THRAP3: variants seen among roughly 807,000 people sequenced by gnomAD.
The protein encoded by THRAP3 is thyroid hormone receptor-associated protein 3.
Under a neutral mutation model 101.0 loss-of-function variants are expected in THRAP3, and 16 were observed. The ratio of observed to expected loss-of-function variants is 0.16; its 90% confidence interval spans 0.11 to 0.24. The LOEUF (loss-of-function observed/expected upper bound fraction) is 0.24. Ranked by LOEUF, THRAP3 falls within the 10% of genes least tolerant of loss-of-function variation. The pLI is 1.00. For synonymous variants in THRAP3, 407 were observed against 422.6 expected (o/e 0.96, Z 0.45); for missense variants, 989 against 1,202.7 (o/e 0.82, Z 2.63).
At chr1:36,241,422 T>C (rs1323080008) in intron 1 of THRAP3, among the ~76,000 whole-genome samples, 5 of 118,826 alleles carry the variant, frequency 4.2e-5, no homozygotes, top group Non-Finnish European at 8.6e-5. Flanking sequence ...TATATATATA[T>C]ATATATACAC....
intron 1 of THRAP3, among the ~76,000 whole-genome samples, chr1:36,228,433 G>T (rs1644987619): frequency 6.6e-6 from 1 of 152,226 alleles, no homozygotes; most frequent in Admixed American, 6.5e-5. Flanking sequence ...TGCTGGCCAG[G>T]CTGGTCTCAA....
chr1:36,272,271 A>C (rs1348570182), intron 2 of THRAP3, among the ~76,000 whole-genome samples: 3 of 152,182 alleles, frequency 2.0e-5, no homozygotes, highest in Non-Finnish European at 4.4e-5. Context: ...TACCCAATGC[A>C]CATTTGGATA....
At chr1:36,211,965 G>A in the THRAP3 span, among the ~76,000 whole-genome samples, 1 of 152,240 alleles carries the variant, frequency 6.6e-6, no homozygotes, top group South Asian at 2.1e-4. Context: ...TCTTAGTCAT[G>A]ACTTCAGTGT....
chr1:36,274,268 A>C (rs1036373250), intron 2 of THRAP3, among the ~76,000 whole-genome samples: 4 of 152,236 alleles, frequency 2.6e-5, no homozygotes, highest in Non-Finnish European at 5.9e-5. Flanking sequence ...TTATATTCAG[A>C]AAACTGAAAC....
At chr1:36,292,264 C>CTTTTTTTTTTTTTT (rs774003081) in intron 6 of THRAP3, among the ~76,000 whole-genome samples, 2 of 20,564 alleles carry the variant, frequency 9.7e-5, no homozygotes, top group African/African-American at 2.8e-4. Context: ...TTCTTTGTTT[C>CTTTTTTTTTTTTTT]TTTTTTTTTT....
At chr1:36,244,864 C>T (rs1645212192) in intron 1 of THRAP3, among the ~76,000 whole-genome samples, 1 of 151,806 alleles carries the variant, frequency 6.6e-6, no homozygotes, top group South Asian at 2.1e-4. Context: ...ATTACAGGCA[C>T]ACGCCACCAC....
rs1248877954 is a variant in THRAP3, at chr1:36,288,066, T to A, written c.1040+796T>A. On this transcript the variant is annotated intron_variant, in intron 4 of 11. Coordinates refer to ENST00000354618, the MANE Select transcript of THRAP3 (RefSeq NM_005119.4). ...TTCTTCTTGGCTGTATTAACACGAC[T>A]TTGACTTGATTAAGCTTTCTGCATT... 4 of 982,654 alleles carry A rather than the reference T, an allele frequency of 4.1e-6. No individual in the cohort carries two copies. The African/African-American group carries it at 7.0e-5, about 17-fold the overall frequency. 60.9% of individuals were successfully genotyped at this position (982,654 alleles called of 1,614,324 possible).
At chr1:36,298,953 C>T (rs888106247) in intron 9 of THRAP3, among the ~76,000 whole-genome samples, 8 of 152,160 alleles carry the variant, frequency 5.3e-5, no homozygotes, top group Non-Finnish European at 1.0e-4. Context: ...CACCATCATG[C>T]CTGGCTAATT....
At chr1:36,250,099 C>A (rs566721440) in intron 1 of THRAP3, among the ~76,000 whole-genome samples, 1 of 152,046 alleles carries the variant, frequency 6.6e-6, no homozygotes, top group South Asian at 2.1e-4. Flanking sequence ...TTACAAAATT[C>A]GGCAATTACA....
In THRAP3 at chr1:36,238,165, G is replaced by A. The variant is rs557494914; in HGVS notation, c.-135+13660G>A. Among the ~76,000 whole-genome samples, 6 of 152,152 alleles carry A rather than the reference G, an allele frequency of 3.9e-5. No individual in the cohort carries two copies. In the South Asian group the frequency reaches 1.0e-3, roughly 26 times the overall value. The stretch of plus-strand genomic sequence containing the variant: ...AAATTTTTTGTAGAGACAGGGTCTC[G>A]TTTTGTTGCCCAGGGTAGTCTTAAA... On this transcript the variant is annotated intron_variant, in intron 1 of 11. Transcript: ENST00000354618.
intron 5 of THRAP3, among the ~76,000 whole-genome samples, chr1:36,290,517 G>C (rs1161604555): frequency 6.6e-6 from 1 of 151,926 alleles, no homozygotes; most frequent in Non-Finnish European, 1.5e-5. Context: ...CCAGGCTGGC[G>C]TGCAGTGGTG....
At chr1:36,220,972 A>AAAAAAAAATATATAT (rs1285765741), upstream of THRAP3, among the ~76,000 whole-genome samples, 3 of 94,146 alleles carry the variant, frequency 3.2e-5, no homozygotes, top group African/African-American at 9.5e-5. Context: ...AAAAAAAAAA[A>AAAAAAAAATATATAT]ATATATATAT....
At chr1:36,303,740 A>C in intron 11 of THRAP3, 56 bp from the exon 12 acceptor site, 2 of 1,611,194 alleles carry the variant, frequency 1.2e-6, no homozygotes, top group Non-Finnish European at 1.7e-6. Flanking sequence ...CAGAGAAGAG[A>C]GCTCTGGCCA....
At chr1:36,260,644 A>G (rs1196253113) in intron 2 of THRAP3, among the ~76,000 whole-genome samples, 1 of 151,952 alleles carries the variant, frequency 6.6e-6, no homozygotes, top group East Asian at 1.9e-4. Context: ...AACACGGTGA[A>G]ACCCCATCTC....
chr1:36,234,072 C>G (rs1368770404), intron 1 of THRAP3, among the ~76,000 whole-genome samples: 1 of 152,194 alleles, frequency 6.6e-6, no homozygotes, highest in Non-Finnish European at 1.5e-5. Context: ...CCTCCCACCT[C>G]AGCCTCCTGA....
At chr1:36,282,112 G>T (rs374270213) in intron 2 of THRAP3, among the ~76,000 whole-genome samples, 1 of 151,860 alleles carries the variant, frequency 6.6e-6, no homozygotes, top group Non-Finnish European at 1.5e-5. Context: ...TTGTAGACAC[G>T]GGATATTGCT....
rs768528555 is a variant in THRAP3, at chr1:36,293,947, A to C, written c.2115+12A>C. The stretch of plus-strand genomic sequence containing the variant: ...AACCTGGCTACAAGGTGAACTGTTG[A>C]TTTGATCAGTAATTCCAACAAAATG... On this transcript the variant is annotated intron_variant, in intron 8 of 11. Transcript: ENST00000354618. The C allele has an allele frequency of 6.2e-7, 1 of 1,611,610 alleles. No homozygotes were observed. The highest frequency in any genetic ancestry group is 1.1e-5 in the South Asian group (1 of 90,822).
upstream of THRAP3, among the ~76,000 whole-genome samples, chr1:36,221,800 G>T (rs964417294): frequency 6.6e-6 from 1 of 151,084 alleles, no homozygotes; most frequent in African/African-American, 2.4e-5. Context: ...TGGTCAGGCT[G>T]GTCTTGAACT....
chr1:36,282,831 G>T, intron 3 of THRAP3, 131 bp downstream of exon 3: 1 of 913,784 alleles, frequency 1.1e-6, no homozygotes, highest in South Asian at 1.6e-5. Context: ...GCAGGGTTGG[G>T]CTATAAGATA....
Sources: gnomAD v4.1 joint callset for allele counts (sites outside exome capture counted in the v4.1 genomes callset) on GRCh38, gnomAD v4.1.1 for gene constraint, MANE v1.5 for transcripts, NCBI Gene and HGNC (gene_info 2026-07-23, HGNC 2026-07-21) for gene names.